The following RARB variants were observed in gnomAD, a reference collection of about 807,000 sequenced individuals.
RARB encodes the protein HBV-activated protein.
RARB carries 17 observed loss-of-function variants against 51.9 expected under a neutral mutation model. The observed-to-expected ratio is 0.33, with a 90% CI of 0.22 to 0.49. RARB has a LOEUF of 0.49. Among genes scored for constraint, RARB ranks in the 20% least tolerant of loss-of-function variants. The pLI is 0.99. For synonymous variants in RARB, 215 were observed against 195.4 expected (o/e 1.10, Z -0.84); for missense variants, 369 against 550.8 (o/e 0.67, Z 3.30).
chr3:25,527,719 G>A (rs979554862), intron 3 of RARB, among the ~76,000 whole-genome samples: 4 of 152,176 alleles, frequency 2.6e-5, no homozygotes, highest in Admixed American at 2.6e-4. Flanking sequence ...GTAGATAGAT[G>A]CTCTTGGCAT....
intron 5 of RARB, among the ~76,000 whole-genome samples, chr3:25,350,669 G>A (rs1434313446): frequency 6.6e-6 from 1 of 152,206 alleles, no homozygotes. Flanking sequence ...TACGCTGGGT[G>A]CCCAGCATCG....
chr3:25,543,196 C>T (rs967396677), intron 3 of RARB, among the ~76,000 whole-genome samples: 3 of 152,136 alleles, frequency 2.0e-5, no homozygotes, highest in African/African-American at 7.2e-5. Flanking sequence ...CACATGTACA[C>T]GTGGTTTGGG....
chr3:25,143,205 T>G (rs796443679), intron 4 of RARB, among the ~76,000 whole-genome samples: 5 of 152,278 alleles, frequency 3.3e-5, no homozygotes, highest in African/African-American at 1.2e-4. Flanking sequence ...GTTTGTAATT[T>G]AGCTAGCAGC....
At chr3:25,077,211 T>G (rs1698888156) in intron 3 of RARB, among the ~76,000 whole-genome samples, 1 of 152,222 alleles carries the variant, frequency 6.6e-6, no homozygotes, top group Non-Finnish European at 1.5e-5. Flanking sequence ...GCATTATTTT[T>G]TAAATCAAGG....
chr3:25,124,630 T>G (rs1454631880), intron 3 of RARB, among the ~76,000 whole-genome samples: 2 of 152,224 alleles, frequency 1.3e-5, no homozygotes, highest in African/African-American at 2.4e-5. Context: ...TTCTAAATAT[T>G]TCTTCAAACC....
intron 1 of RARB, among the ~76,000 whole-genome samples, chr3:24,857,987 G>A (rs1482866172): frequency 6.6e-6 from 1 of 152,152 alleles, no homozygotes; most frequent in Non-Finnish European, 1.5e-5. Flanking sequence ...AATCAAAGAG[G>A]ATCTCTGAGG....
At chr3:25,356,963 T>C (rs890609023) in intron 5 of RARB, among the ~76,000 whole-genome samples, 10 of 152,170 alleles carry the variant, frequency 6.6e-5, no homozygotes, top group Non-Finnish European at 1.5e-4. Context: ...TGAATAGTGC[T>C]GCAATAAACA....
chr3:25,050,113 C>T (rs1698297183), intron 2 of RARB, among the ~76,000 whole-genome samples: 1 of 152,042 alleles, frequency 6.6e-6, no homozygotes, highest in African/African-American at 2.4e-5. Context: ...AAGCATATGC[C>T]AAGCTTGTAT....
At chr3:24,836,536 T>A (rs1214929508) in intron 1 of RARB, among the ~76,000 whole-genome samples, 1 of 152,176 alleles carries the variant, frequency 6.6e-6, no homozygotes, top group Non-Finnish European at 1.5e-5. Context: ...ATGACATTTA[T>A]TGTGTCAGCA....
At chr3:25,068,133 C>CAAAAAAAAAAAAA (rs55826425) in intron 3 of RARB, among the ~76,000 whole-genome samples, 3 of 33,268 alleles carry the variant, frequency 9.0e-5, no homozygotes, top group African/African-American at 1.0e-4. Flanking sequence ...GACTCCATCT[C>CAAAAAAAAAAAAA]AAAAAAAAAA....
chr3:24,832,768 T>C (rs1019845205), intron 1 of RARB, among the ~76,000 whole-genome samples: 11 of 151,674 alleles, frequency 7.3e-5, no homozygotes, highest in African/African-American at 2.7e-4. Flanking sequence ...TAGGCTAGAC[T>C]CAACTTTCAG....
At chr3:25,205,175 T>C (rs1414397757) in intron 5 of RARB, among the ~76,000 whole-genome samples, 2 of 152,156 alleles carry the variant, frequency 1.3e-5, no homozygotes, top group Admixed American at 6.5e-5. Context: ...GATCTCAGAC[T>C]GCTGTGCTAG....
chr3:25,530,956 A>C (rs1163984439), intron 3 of RARB, among the ~76,000 whole-genome samples: 3 of 152,232 alleles, frequency 2.0e-5, no homozygotes, highest in African/African-American at 7.2e-5. Context: ...ATACCCTAGG[A>C]GCAAACCCTA....
intron 3 of RARB, 26 bp downstream of exon 3, chr3:25,501,349 TC>T: frequency 6.2e-7 from 1 of 1,605,056 alleles, no homozygotes; most frequent in Non-Finnish European, 8.5e-7. Context: ...AAAAACTTTT[TC>T]CCTGTTTTCC....
intron 5 of RARB, among the ~76,000 whole-genome samples, chr3:25,304,243 A>C (rs1413667198): frequency 6.6e-6 from 1 of 152,138 alleles, no homozygotes; most frequent in Non-Finnish European, 1.5e-5. Context: ...AGTGCTTTCT[A>C]AGAAGGCTTC....
intron 2 of RARB, among the ~76,000 whole-genome samples, chr3:24,940,613 C>G (rs967835234): frequency 5.3e-5 from 8 of 152,124 alleles, no homozygotes; most frequent in Non-Finnish European, 1.0e-4. Context: ...AGGGTACCCT[C>G]CTTTAGCTGG....
intron 2 of RARB, among the ~76,000 whole-genome samples, chr3:24,942,716 A>C (rs888887449): frequency 2.6e-5 from 4 of 152,178 alleles, no homozygotes; most frequent in African/African-American, 9.6e-5. Context: ...CCTGGCACAT[A>C]ATAAGGACTC....
chr3:25,583,912 G>A (rs878948000), intron 5 of RARB, among the ~76,000 whole-genome samples: 1 of 152,112 alleles, frequency 6.6e-6, no homozygotes, highest in Non-Finnish European at 1.5e-5. Flanking sequence ...GCATCCTAGG[G>A]CTGTGTTCAG....
At chr3:24,866,015 C>A (rs1290941487) in intron 2 of RARB, among the ~76,000 whole-genome samples, 2 of 151,986 alleles carry the variant, frequency 1.3e-5, no homozygotes, top group African/African-American at 4.8e-5. Flanking sequence ...CCACTTAATC[C>A]ACACCATCAA....
Sources: allele counts gnomAD v4.1 joint callset (sites outside exome capture counted in the v4.1 genomes callset), GRCh38; gene constraint gnomAD v4.1.1; transcripts MANE v1.5; gene names NCBI Gene and HGNC (gene_info 2026-07-23, HGNC 2026-07-21).